Variants in GRID2IP observed in about 807,000 individuals in gnomAD.
The protein encoded by GRID2IP is delphilin.
In GRID2IP, 78 loss-of-function variants were observed where a neutral mutation model predicts 114.3. The ratio of observed to expected loss-of-function variants is 0.68; its 90% CI spans 0.57 to 0.82. The LOEUF (loss-of-function observed/expected upper bound fraction) is 0.82, where lower values mean the gene tolerates loss of function less well. GRID2IP is among the 40% of genes least tolerant of loss of function. The probability of loss-of-function intolerance (pLI) is 0.00; values close to 1 mark genes in which losing one functional copy is unlikely to be tolerated. For synonymous variants in GRID2IP, 809 were observed against 724.0 expected, an observed-to-expected ratio of 1.12 and a Z score of -1.89; for missense variants, 1,727 against 1,678.5, an observed-to-expected ratio of 1.03 and a Z score of -0.51.
rs1381395492 is a variant in GRID2IP, at chr7:6,501,877, A to G, written c.3303T>C (p.Ser1101=). Residue 1101 remains serine, a synonymous_variant, in exon 20 of 22, where the codon AGT becomes AGC. Transcript: ENST00000457091. ...AAKVNQRALT[S]DLADLHGTIS... is the part of the protein sequence containing the mutation. The stretch of plus-strand genomic sequence containing the variant: ...TAGTGCCATGGAGGTCAGCCAGGTC[A>G]CTGGTCAGGGCCCGTTGGTTCACTG... The G allele has an allele frequency of 1.3e-6, 2 of 1,551,466 alleles. No individual in the cohort carries two copies. The highest frequency in any genetic ancestry group is 1.7e-6 in the Non-Finnish European group (2 of 1,146,990).
chr7:6,504,758 C>G, intron 15 of GRID2IP, 35 bp downstream of exon 15: 1 of 1,513,090 alleles, frequency 6.6e-7, no homozygotes. Context: ...CCGCCGCCTG[C>G]CCCCTACACC....
At position 6,532,743 on chromosome 7, in the gene GRID2IP, C is replaced by A. The variant is rs1779657070; in HGVS notation, c.585-5974G>T. 6.6e-6 allele frequency among the ~76,000 whole-genome samples: 1 copy of A among 152,196 alleles called. No homozygotes were observed. Among genetic ancestry groups the A allele is most frequent in the African/African-American group, 2.4e-5 (1 of 41,444 alleles). ...GTTGTATTGTGCCAGCTGCAGTGGC[C>A]CAGAATCCAGAACCACACATGGCCA... is the stretch of plus-strand genomic sequence containing the variant. On this transcript the variant is annotated intron_variant, in intron 2 of 21. Transcript: ENST00000457091. The surrounding 1 kb of genome is among the most constrained non-coding windows in gnomAD (Gnocchi z 4.4).
chr7:6,510,066 T>C lies in GRID2IP; in HGVS notation c.1771+217A>G, dbSNP rs568189974. Among the ~76,000 whole-genome samples the C allele has an allele frequency of 1.1e-4, 16 of 152,204 alleles. No individual in the cohort carries two copies. The South Asian group carries it at 1.9e-3, about 18-fold the overall frequency. On this transcript the variant is annotated intron_variant, in intron 11 of 21. Transcript: ENST00000457091. ...GCTGGTCTCAAACTCCTGGGCTCCA[T>C]TGATCCTCCTGCCTCGGCCTCCCAA...
intron 2 of GRID2IP, among the ~76,000 whole-genome samples, chr7:6,538,673 T>A (rs370037158): frequency 4.6e-5 from 7 of 151,834 alleles, no homozygotes; most frequent in African/African-American, 1.4e-4. Flanking sequence ...AGGTCAGGAG[T>A]TGGAGACCAG....
chr7:6,535,350 A>G (rs1293211155), intron 2 of GRID2IP, among the ~76,000 whole-genome samples: 2 of 152,214 alleles, frequency 1.3e-5, no homozygotes, highest in Non-Finnish European at 2.9e-5. Context: ...TTAAATAACC[A>G]TGTGTGGCCA....
chr7:6,538,475 G>T (rs1313285298), intron 2 of GRID2IP, among the ~76,000 whole-genome samples: 1 of 151,872 alleles, frequency 6.6e-6, no homozygotes, highest in Non-Finnish European at 1.5e-5. Flanking sequence ...GCTGAGGTGG[G>T]TGAATCACTT....
At chr7:6,537,151 G>T (rs1779739765) in intron 2 of GRID2IP, among the ~76,000 whole-genome samples, 1 of 152,012 alleles carries the variant, frequency 6.6e-6, no homozygotes, top group Non-Finnish European at 1.5e-5. Flanking sequence ...GGTCCAAGCT[G>T]GGCAGGCAGG....
chr7:6,551,122 C>T lies in GRID2IP; in HGVS notation c.315G>A (p.Pro105=). The change falls in exon 1 of 22, where the codon CCG becomes CCA. Residue 105 remains proline, a synonymous_variant. Coordinates refer to ENST00000457091, the MANE Select transcript of GRID2IP (RefSeq NM_001145118.2). Reference sequence around the variant, plus strand: ...CCAGAGCTAGGCCGCGGCCGCACCGCGGGGCCCGCAAGACTGTGGTCGGGG... The same window carrying T: ...CCAGAGCTAGGCCGCGGCCGCACCGTGGGGCCCGCAAGACTGTGGTCGGGG... ...PAAPTTVLRA[P]RCGRGLALGR... 1.5e-6 allele frequency: 2 copies of T among 1,298,994 alleles called. No homozygotes were observed. The highest frequency in any genetic ancestry group is 9.7e-7 in the Non-Finnish European group (1 of 1,027,774). The allele number at this position is 1,298,994 out of a possible 1,614,324, so 80.5% of individuals were successfully genotyped here.
chr7:6,521,479 C>T lies in GRID2IP; in HGVS notation c.1034G>A (p.Gly345Asp), dbSNP rs1228312622. 1 of 1,549,980 alleles carries T rather than the reference C, an allele frequency of 6.5e-7. No individual in the cohort carries two copies. The highest frequency in any genetic ancestry group is 1.4e-5 in the African/African-American group (1 of 73,106). ...DKVVSMLQGS[G>D]AMPTLVVEEG... is the part of the protein sequence containing the mutation. The stretch of plus-strand genomic sequence containing the variant: ...CTCCACCACCAGCGTGGGCATGGCA[C>T]CACTGCCCTGCAGCATGGACACCAC... Residue 345 changes from glycine (G) to aspartate (D), a missense_variant, in exon 6 of 22, where the codon GGT (glycine) becomes GAT (aspartate). Physicochemically the swap from Gly to Asp is moderately conservative, Grantham distance 94 (BLOSUM62 -1). Transcript: ENST00000457091. The surrounding 1 kb of genome is among the most constrained non-coding windows in gnomAD (Gnocchi z 4.1).
At chr7:6,544,702 G>C (rs1325209026) in intron 1 of GRID2IP, among the ~76,000 whole-genome samples, 2 of 152,190 alleles carry the variant, frequency 1.3e-5, no homozygotes, top group Admixed American at 1.3e-4. Flanking sequence ...TATAATCCCA[G>C]AGCTTTGGGA....
chr7:6,527,760 AT>A (rs111974045), intron 2 of GRID2IP, among the ~76,000 whole-genome samples: 4,137 of 142,218 alleles, frequency 0.029, 84 homozygotes, highest in Middle Eastern at 0.047. Context: ...CACCAGGCTA[AT>A]TTTTTTTTTT....
At chr7:6,501,592 C>G (rs1164916189) in intron 20 of GRID2IP, among the ~76,000 whole-genome samples, 189 bp downstream of exon 20, 1 of 152,034 alleles carries the variant, frequency 6.6e-6, no homozygotes, top group Non-Finnish European at 1.5e-5. Flanking sequence ...GAGACCCTGC[C>G]TCAATCAATC....
At chr7:6,497,925 G>A (rs900415383) in intron 21 of GRID2IP, 80 bp from the exon 22 acceptor site, 63 of 1,419,220 alleles carry the variant, frequency 4.4e-5, no homozygotes, top group Non-Finnish European at 1.2e-5. Flanking sequence ...TCCCACACTA[G>A]ACAGCCCATC....
chr7:6,527,095 T>C (rs1464948479), intron 2 of GRID2IP, among the ~76,000 whole-genome samples: 1 of 151,844 alleles, frequency 6.6e-6, no homozygotes, highest in Non-Finnish European at 1.5e-5. Context: ...CTCCTGCCTC[T>C]GTCCTCTCCC....
Position 6,504,847 on chromosome 7 carries a change from A to AGGGCTC in GRID2IP, c.2650_2655dup (p.Glu884_Pro885dup). On this transcript the variant is annotated inframe_insertion, in exon 15 of 22. Coordinates refer to ENST00000457091, the MANE Select transcript of GRID2IP (RefSeq NM_001145118.2). ...ATCTCCACCACCTCCTTCTTCCGGA[A>AGGGCTC]GGGCTCCGGCCCCGGCACCGGTTCT... is the stretch of plus-strand genomic sequence containing the variant. The AGGGCTC allele has an allele frequency of 6.4e-7, 1 of 1,551,396 alleles. No individual in the cohort carries two copies. Among genetic ancestry groups the AGGGCTC allele is most frequent in the East Asian group, 2.4e-5 (1 of 40,928 alleles).
intron 11 of GRID2IP, 24 bp downstream of exon 11, chr7:6,510,259 A>G (rs1430059521): frequency 6.9e-6 from 10 of 1,448,968 alleles, no homozygotes; most frequent in Non-Finnish European, 9.4e-6. Context: ...CCCAGACAGT[A>G]GATGACAGAG....
intron 11 of GRID2IP, 135 bp downstream of exon 11, chr7:6,510,148 C>A: frequency 1.8e-6 from 1 of 563,924 alleles, no homozygotes; most frequent in Non-Finnish European, 3.1e-6. Context: ...TGATCCACAG[C>A]TGAGGTGAGG....
At chr7:6,499,667 G>C (rs1015920335) in intron 20 of GRID2IP, among the ~76,000 whole-genome samples, 2 of 152,110 alleles carry the variant, frequency 1.3e-5, no homozygotes, top group Non-Finnish European at 2.9e-5. Context: ...CTGACCTCAG[G>C]TGATCTGCCC....
At position 6,521,585 on chromosome 7, in the gene GRID2IP, C is replaced by T; in HGVS notation, c.990-62G>A. 1 of 1,222,408 alleles carries T rather than the reference C, an allele frequency of 8.2e-7. No homozygotes were observed. Among genetic ancestry groups the T allele is most frequent in the Non-Finnish European group, 1.1e-6 (1 of 871,946 alleles). The allele number at this position is 1,222,408 out of a possible 1,614,324, so 75.7% of individuals were successfully genotyped here. ...GGTGAGCCCTGTCCACGGCCACCAG[C>T]CAGACCTCCCTGTCCTGCCCACAGA... On this transcript the variant is annotated intron_variant, in intron 5 of 21. Transcript: ENST00000457091. This position sits in a 1 kb window ranked among gnomAD's most constrained non-coding sequence, Gnocchi z 4.1.
Sources: allele counts gnomAD v4.1 joint callset (sites outside exome capture counted in the v4.1 genomes callset), GRCh38; gene constraint gnomAD v4.1.1; non-coding constraint Gnocchi (gnomAD v3.1); transcripts MANE v1.5; gene names NCBI Gene and HGNC (gene_info 2026-07-23, HGNC 2026-07-21).